The following POGK variants were observed in gnomAD, a reference collection of about 807,000 sequenced individuals.
POGK encodes pogo transposable element derived with KRAB domain.
POGK carries 16 observed loss-of-function variants against 54.4 expected under a neutral mutation model. The ratio of observed to expected loss-of-function variants is 0.29; its 90% CI spans 0.20 to 0.45. The LOEUF (loss-of-function observed/expected upper bound fraction) is 0.45, where lower values mean the gene tolerates loss of function less well. Among genes scored for constraint, POGK ranks in the 20% least tolerant of loss-of-function variants. POGK has a pLI of 1.00. For missense variants in POGK, 515 were observed against 795.6 expected, an observed-to-expected ratio of 0.65 and a Z score of 4.24; for synonymous variants, 271 against 302.2, an observed-to-expected ratio of 0.90 and a Z score of 1.07.
chr1:166,843,855 G>T (rs1278342735), intron 2 of POGK, among the ~76,000 whole-genome samples: 1 of 152,238 alleles, frequency 6.6e-6, no homozygotes, highest in African/African-American at 2.4e-5. Context: ...TGAGGAAAGG[G>T]AGGAGGGCAG....
In POGK at chr1:166,853,611, T is replaced by G. The variant is rs1658160908; in HGVS notation, c.*1041T>G. On this transcript the variant is annotated 3_prime_UTR_variant, in exon 6 of 6. Coordinates refer to ENST00000367876, the MANE Select transcript of POGK (RefSeq NM_017542.5). Reference sequence around the variant, plus strand: ...TAGTAATTTGCATTCCCACATAAGTTTGAGTGTTACGAAAACATTCCTTTA... The same window carrying G: ...TAGTAATTTGCATTCCCACATAAGTGTGAGTGTTACGAAAACATTCCTTTA... The G allele has an allele frequency of 6.5e-6, 1 of 152,694 alleles. No homozygotes were observed. The highest frequency in any genetic ancestry group is 1.5e-5 in the Non-Finnish European group (1 of 68,052). 9.5% of individuals were successfully genotyped at this position (152,694 alleles called of 1,614,324 possible).
At position 166,856,106 on chromosome 1, in the gene POGK, G is replaced by A. The variant is rs1165053480; in HGVS notation, c.*3536G>A. The A allele has an allele frequency of 6.6e-6, 1 of 151,888 alleles. No homozygotes were observed. The highest frequency in any genetic ancestry group is 2.4e-5 in the African/African-American group (1 of 41,350). 9.4% of individuals were successfully genotyped at this position (151,888 alleles called of 1,614,324 possible). A position where few individuals can be genotyped will look rare whatever the true frequency, so the allele number is the denominator to read the frequency against. ...ACACTCTGGGAGGCCAAGGTGGGCA[G>A]ACTGCTTGAGCTCAGGAGTTCATTA... On this transcript the variant is annotated 3_prime_UTR_variant, in exon 6 of 6. Transcript: ENST00000367876.
chr1:166,850,672 C>T, intron 5 of POGK: 1 of 412,848 alleles, frequency 2.4e-6, no homozygotes, highest in Non-Finnish European at 4.3e-6. Context: ...GCTGTCACAG[C>T]AGCGGCATTA....
chr1:166,851,664 C>T (rs1658070241), intron 5 of POGK: 1 of 152,168 alleles, frequency 6.6e-6, no homozygotes, highest in African/African-American at 2.4e-5. Flanking sequence ...AGGGGGGACA[C>T]CCACAAAGAA....
intron 2 of POGK, among the ~76,000 whole-genome samples, chr1:166,842,163 C>A (rs1657543790): frequency 1.3e-5 from 2 of 152,184 alleles, no homozygotes; most frequent in South Asian, 4.1e-4. Context: ...AACAAGAACT[C>A]AAGGCAGTCA....
chr1:166,851,691 C>T (rs1413178772), intron 5 of POGK: 1 of 152,226 alleles, frequency 6.6e-6, no homozygotes, highest in Non-Finnish European at 1.5e-5. Context: ...ATTCATTTAC[C>T]TGTTCGTTCT....
intron 2 of POGK, among the ~76,000 whole-genome samples, chr1:166,844,019 G>A (rs1015155139): frequency 6.6e-6 from 1 of 152,230 alleles, no homozygotes; most frequent in African/African-American, 2.4e-5. Flanking sequence ...GGAGGCCTGC[G>A]CAGCAGGGCC....
In POGK at chr1:166,850,378, G is replaced by A. The variant is rs1340991616; in HGVS notation, c.1799G>A (p.Cys600Tyr). 1.1e-5 allele frequency: 18 copies of A among 1,612,046 alleles called. No homozygotes were observed. Among genetic ancestry groups the A allele is most frequent in the Non-Finnish European group, 1.5e-5 (18 of 1,179,520 alleles). The change falls in exon 5 of 6, where the codon TGT (cysteine) becomes TAT (tyrosine). Residue 600 changes from cysteine to tyrosine, a missense_variant. Around this residue, in one of 2 missense-constraint regions of POGK, gnomAD observed 461 missense variants for 743.5 expected, o/e 0.62. Coordinates refer to ENST00000367876, the MANE Select transcript of POGK (RefSeq NM_017542.5). ...GGAGGAGGAGAACCACCAAAAGATT[G>A]TGACACCGAAAGCATGGCTGAGAGC... ...LPGGGEPPKDCDTESMAESN is the reference protein window; with the variant it reads ...LPGGGEPPKDYDTESMAESN
In POGK at chr1:166,839,579, C is replaced by G. The variant is rs1391389054; in HGVS notation, c.-28C>G. Reference sequence around the variant, plus strand: ...GGGCCGGAGCCCTCGCGTCCCCACCCCGCGCCCTGGCCGCTGGGCCCGGCG... The same window carrying G: ...GGGCCGGAGCCCTCGCGTCCCCACCGCGCGCCCTGGCCGCTGGGCCCGGCG... On this transcript the variant is annotated 5_prime_UTR_variant, in exon 1 of 6. Transcript: ENST00000367876. 6.7e-6 allele frequency: 1 copy of G among 149,718 alleles called. No individual in the cohort carries two copies. Among genetic ancestry groups the G allele is most frequent in the Non-Finnish European group, 1.5e-5 (1 of 67,220 alleles). 9.3% of individuals were successfully genotyped at this position (149,718 alleles called of 1,614,324 possible).
rs1571232417 is a variant in POGK, at chr1:166,853,638, A to G, written c.*1068A>G. ...GAGTGTTACGAAAACATTCCTTTAA[A>G]GGGATCTGTGCTACACAAAATATGC... is the stretch of plus-strand genomic sequence containing the variant. On this transcript the variant is annotated 3_prime_UTR_variant, in exon 6 of 6. Coordinates refer to ENST00000367876, the MANE Select transcript of POGK (RefSeq NM_017542.5). 6.5e-6 allele frequency: 1 copy of G among 152,692 alleles called. No homozygotes were observed. The highest frequency in any genetic ancestry group is 2.1e-4 in the South Asian group (1 of 4,834). 9.5% of individuals were successfully genotyped at this position (152,692 alleles called of 1,614,324 possible).
chr1:166,840,844 G>C, intron 1 of POGK, 111 bp from the exon 2 acceptor site: 1 of 1,362,972 alleles, frequency 7.3e-7, no homozygotes, highest in Non-Finnish European at 1.0e-6. Flanking sequence ...CCTCCAGCGG[G>C]AACAGTGCTT....
intron 1 of POGK, 71 bp downstream of exon 1, chr1:166,839,675 A>AGAGGCGGGGGCGCC (rs1164265443): frequency 7.4e-6 from 1 of 135,610 alleles, no homozygotes; most frequent in African/African-American, 2.7e-5. Context: ...GGGCCGCGGC[A>AGAGGCGGGGGCGCC]GAGGCGGGGG....
intron 2 of POGK, among the ~76,000 whole-genome samples, chr1:166,842,965 A>G (rs1411666065): frequency 6.6e-6 from 1 of 152,188 alleles, no homozygotes; most frequent in Non-Finnish European, 1.5e-5. Flanking sequence ...TAAAATATGT[A>G]TTTTGGTTAT....
chr1:166,850,481 C>T (rs570860957), intron 5 of POGK, 58 bp downstream of exon 5: 2 of 1,494,860 alleles, frequency 1.3e-6, no homozygotes, highest in Non-Finnish European at 1.8e-6. Flanking sequence ...GTTCTACAAA[C>T]ACCTTCTCTC....
At position 166,855,157 on chromosome 1, in the gene POGK, T is replaced by C. The variant is rs1658232062; in HGVS notation, c.*2587T>C. 1 of 152,196 alleles carries C rather than the reference T, an allele frequency of 6.6e-6. No homozygotes were observed. The highest frequency in any genetic ancestry group is 1.9e-4 in the East Asian group (1 of 5,204). The allele number at this position is 152,196 out of a possible 1,614,324, so 9.4% of individuals were successfully genotyped here. On this transcript the variant is annotated 3_prime_UTR_variant, in exon 6 of 6. Coordinates refer to ENST00000367876, the MANE Select transcript of POGK (RefSeq NM_017542.5). ...ACCTCTGAACCTAAAATGTTTTTTT[T>C]TTAATTCAGAACAACAAAAGAACAT... is the stretch of plus-strand genomic sequence containing the variant.
chr1:166,839,711 C>CCGA (rs925200292), intron 1 of POGK, 107 bp downstream of exon 1: 2 of 145,016 alleles, frequency 1.4e-5, no homozygotes, highest in Non-Finnish European at 3.1e-5. Flanking sequence ...GCCGCCGCCG[C>CCGA]CGCCTTTGTT....
At position 166,850,570 on chromosome 1, in the gene POGK, C is replaced by T. The variant is rs577432248; in HGVS notation, c.*14+147C>T. The stretch of plus-strand genomic sequence containing the variant: ...TCAGGGGTCCCCAACCCCCAGGTCA[C>T]GGACCATACTGGTCCATGGCCTGTC... On this transcript the variant is annotated intron_variant, in intron 5 of 5. Coordinates refer to ENST00000367876, the MANE Select transcript of POGK (RefSeq NM_017542.5). 42 of 810,908 alleles carry T rather than the reference C, an allele frequency of 5.2e-5. No individual in the cohort carries two copies. The African/African-American group carries it at 6.6e-4, about 13-fold the overall frequency. The allele number at this position is 810,908 out of a possible 1,614,324, so 50.2% of individuals were successfully genotyped here.
rs1242758808 is a variant in POGK, at chr1:166,839,564, C to T, written c.-43C>T. 1 of 150,232 alleles carries T rather than the reference C, an allele frequency of 6.7e-6. No individual in the cohort carries two copies. Among genetic ancestry groups the T allele is most frequent in the Non-Finnish European group, 1.5e-5 (1 of 67,420 alleles). The allele number at this position is 150,232 out of a possible 1,614,324, so 9.3% of individuals were successfully genotyped here. On this transcript the variant is annotated 5_prime_UTR_variant, in exon 1 of 6. Coordinates refer to ENST00000367876, the MANE Select transcript of POGK (RefSeq NM_017542.5). ...GGCGCTGTGACAGCCGGGCCGGAGC[C>T]CTCGCGTCCCCACCCCGCGCCCTGG...
At chr1:166,851,640 T>G (rs1303019590) in intron 5 of POGK, 2 of 152,152 alleles carry the variant, frequency 1.3e-5, no homozygotes, top group Non-Finnish European at 2.9e-5. Flanking sequence ...AGGAGGAGGA[T>G]GAGCATGTAC....
Sources: allele counts gnomAD v4.1 joint callset (sites outside exome capture counted in the v4.1 genomes callset), GRCh38; gene constraint gnomAD v4.1.1; regional missense constraint gnomAD v4.1.1; transcripts MANE v1.5; gene names NCBI Gene and HGNC (gene_info 2026-07-23, HGNC 2026-07-21).